The following HRNR variants were observed in gnomAD, a reference collection of about 807,000 sequenced individuals.
HRNR encodes the protein filaggrin family member 3.
In HRNR, 7 loss-of-function variants were observed where a neutral mutation model predicts 4.8. The observed-to-expected ratio is 1.47, with a 90% CI of 0.83 to 2.75. The LOEUF (loss-of-function observed/expected upper bound fraction) is 2.75. Among genes scored for constraint, HRNR ranks in the 30% most tolerant of loss-of-function variants. The pLI is 0.00. For missense variants in HRNR, 2,879 were observed against 3,010.4 expected (o/e 0.96, Z 1.02); for synonymous variants, 1,023 against 1,242.7 (o/e 0.82, Z 3.72).
Position 152,221,334 on chromosome 1 carries a change from AC to A in HRNR, c.294del (p.Ser99GlnfsTer3). The A allele has an allele frequency of 6.2e-7, 1 of 1,613,844 alleles. No homozygotes were observed. The highest frequency in any genetic ancestry group is 1.3e-5 in the African/African-American group (1 of 74,992). ...TGGTGAGTGTCATCTCTCAGCTTTG[AC>A]CCTGAAACTTGGCAGTAATCTTTGC... ...IIGKDYCQVS[G>X]SKLRDDTHQH... On this transcript the variant is annotated frameshift_variant, in exon 3 of 3. Transcript: ENST00000368801. LOFTEE classifies it low-confidence loss of function (END_TRUNC).
chr1:152,212,912 A>G lies in HRNR; in HGVS notation c.*164T>C. 2 of 938,680 alleles carry G rather than the reference A, an allele frequency of 2.1e-6. No individual in the cohort carries two copies. The highest frequency in any genetic ancestry group is 3.1e-6 in the Non-Finnish European group (2 of 643,532). The allele number at this position is 938,680 out of a possible 1,614,324, so 58.1% of individuals were successfully genotyped here. On this transcript the variant is annotated 3_prime_UTR_variant, in exon 3 of 3. Coordinates refer to ENST00000368801, the MANE Select transcript of HRNR (RefSeq NM_001009931.3). ...AGTCTTTGGAAGGAACCCCATAACA[A>G]GATATATGCTACAGTTTTAGGCTCT... is the stretch of plus-strand genomic sequence containing the variant.
Position 152,220,079 on chromosome 1 carries a change from T to C in HRNR, c.1550A>G (p.Tyr517Cys), listed in dbSNP as rs41266134. 0.17 allele frequency: 275,630 copies of C among 1,613,728 alleles called. 32,886 individuals carry two copies. Among genetic ancestry groups the C allele is most frequent in the East Asian group, 0.57 (25,377 of 44,834 alleles). The change falls in exon 3 of 3, where the codon TAT becomes TGT. Residue 517 changes from tyrosine to cysteine, a missense_variant. By Grantham distance (194) the Tyr-to-Cys change is radical. Coordinates refer to ENST00000368801, the MANE Select transcript of HRNR (RefSeq NM_001009931.3). ...QGSSAGSSSS[Y>C]GQHGSGSRQS... is the part of the protein sequence containing the mutation. ...ACGGGAGCCAGACCCATGCTGACCA[T>C]AGCTGGAAGATGAACCTGCACTAGA...
Position 152,220,271 on chromosome 1 carries a change from C to T in HRNR, c.1358G>A (p.Gly453Asp), listed in dbSNP as rs1648913638. 3.7e-6 allele frequency: 6 copies of T among 1,613,864 alleles called. No homozygotes were observed. Among genetic ancestry groups the T allele is most frequent in the Non-Finnish European group, 4.2e-6 (5 of 1,179,988 alleles). Residue 453 changes from glycine (G) to aspartate (D), a missense_variant, in exon 3 of 3, where the codon GGC (glycine) becomes GAC (aspartate). Coordinates refer to ENST00000368801, the MANE Select transcript of HRNR (RefSeq NM_001009931.3). Reference protein sequence around the residue: ...GTGFGRSSSSGPYVSGSGYSS... With the variant: ...GTGFGRSSSSDPYVSGSGYSS... ...GTAGCCTGAACCAGACACATATGGG[C>T]CACTGCTGGAAGATCGACCAAAGCC...
At position 152,221,335 on chromosome 1, in the gene HRNR, C is replaced by T. The variant is rs749331204; in HGVS notation, c.294G>A (p.Gly98=). ...GGTGAGTGTCATCTCTCAGCTTTGA[C>T]CCTGAAACTTGGCAGTAATCTTTGC... The part of the protein sequence containing the change: ...IIGKDYCQVS[G]SKLRDDTHQH... Residue 98 remains glycine, a synonymous_variant, in exon 3 of 3, where the codon GGG becomes GGA. Coordinates refer to ENST00000368801, the MANE Select transcript of HRNR (RefSeq NM_001009931.3). 5 of 1,613,978 alleles carry T rather than the reference C, an allele frequency of 3.1e-6. No individual in the cohort carries two copies. The highest frequency in any genetic ancestry group is 4.2e-6 in the Non-Finnish European group (5 of 1,180,040).
rs1410804999 is a variant in HRNR at position 152,219,372 on chromosome 1, C to T, written c.2257G>A (p.Gly753Ser). The T allele has an allele frequency of 2.2e-5, 35 of 1,613,954 alleles. No homozygotes were observed. The highest frequency in any genetic ancestry group is 5.0e-5 in the Admixed American group (3 of 60,002). Residue 753 changes from glycine (G) to serine (S), a missense_variant, in exon 3 of 3, where the codon GGT (glycine) becomes AGT (serine). Around this residue, in one of 8 missense-constraint regions of HRNR, gnomAD observed 2,646 missense variants for 1,377.7 expected, o/e 1.92. Transcript: ENST00000368801. ...GSSSGLSSSY[G>S]QHGSGSHQSS... ...TGATGGGAGCCCGACCCATGCTGAC[C>T]ATAGCTGGAAGACAAACCTGAGCTA...
At position 152,220,963 on chromosome 1, in the gene HRNR, C is replaced by G. The variant is rs1648967746; in HGVS notation, c.666G>C (p.Gly222=). 4 of 1,614,006 alleles carry G rather than the reference C, an allele frequency of 2.5e-6. No individual in the cohort carries two copies. Among genetic ancestry groups the G allele is most frequent in the Non-Finnish European group, 8.5e-7 (1 of 1,180,026 alleles). Residue 222 remains glycine (G), a synonymous_variant, in exon 3 of 3, where the codon GGG becomes GGC. Coordinates refer to ENST00000368801, the MANE Select transcript of HRNR (RefSeq NM_001009931.3). The stretch of plus-strand genomic sequence containing the variant: ...AGCCAGAAGACTGGCCTGAGCCAGA[C>G]CCATGTGTGTCATTGCTGGAAGACT... ...SGQSSSNDTH[G]SGSGQSSGFS...
chr1:152,220,608 C>T lies in HRNR; in HGVS notation c.1021G>A (p.Gly341Ser). The change falls in exon 3 of 3, where the codon GGC becomes AGC. Residue 341 changes from glycine to serine, a missense_variant. Gly to Ser is a moderately conservative substitution (Grantham distance 56). Around this residue, in one of 8 missense-constraint regions of HRNR, gnomAD observed 2,646 missense variants for 1,377.7 expected, o/e 1.92. Coordinates refer to ENST00000368801, the MANE Select transcript of HRNR (RefSeq NM_001009931.3). ...CCAAAGCCAGAAGTCTGGCCTGAGC[C>T]AGACTCATAATGGCCACGGCTGTAA... ...YSYSRGHYES[G>S]SGQTSGFGQH... 2 of 1,612,292 alleles carry T rather than the reference C, an allele frequency of 1.2e-6. No individual in the cohort carries two copies. Among genetic ancestry groups the T allele is most frequent in the South Asian group, 1.1e-5 (1 of 90,870 alleles).
chr1:152,222,053 G>A (rs1649022084), intron 2 of HRNR, among the ~76,000 whole-genome samples: 1 of 152,168 alleles, frequency 6.6e-6, no homozygotes, highest in South Asian at 2.1e-4. Flanking sequence ...AACATTGGGG[G>A]TCCTAGAAAG....
rs372864050 is a variant in HRNR at position 152,218,885 on chromosome 1, C to G, written c.2744G>C (p.Arg915Pro). The change falls in exon 3 of 3, where the codon CGG (arginine) becomes CCG (proline). Residue 915 changes from arginine (R) to proline (P), a missense_variant. Around this residue, in one of 8 missense-constraint regions of HRNR, gnomAD observed 2,646 missense variants for 1,377.7 expected, o/e 1.92. Coordinates refer to ENST00000368801, the MANE Select transcript of HRNR (RefSeq NM_001009931.3). The part of the protein sequence containing the change: ...SYGRHGSGSG[R>P]SSSSGRHGSG... The stretch of plus-strand genomic sequence containing the variant: ...CCCATGTCGGCCACTGCTGGAAGAC[C>G]GACCGGAGCCAGACCCATGTCGGCC... 1.6e-5 allele frequency: 25 copies of G among 1,611,384 alleles called. No homozygotes were observed. Among genetic ancestry groups the G allele is most frequent in the Non-Finnish European group, 2.0e-5 (24 of 1,179,326 alleles).
Position 152,219,050 on chromosome 1 carries a change from C to G in HRNR, c.2579G>C (p.Ser860Thr), listed in dbSNP as rs186602563. The change falls in exon 3 of 3, where the codon AGC (serine) becomes ACC (threonine). Residue 860 changes from serine (S) to threonine (T), a missense_variant. Around this residue, in one of 8 missense-constraint regions of HRNR, gnomAD observed 2,646 missense variants for 1,377.7 expected, o/e 1.92. Coordinates refer to ENST00000368801, the MANE Select transcript of HRNR (RefSeq NM_001009931.3). Reference protein sequence around the residue: ...QSSSSGQHDSSSGQSSSYGQH... With the variant: ...QSSSSGQHDSTSGQSSSYGQH... ...ACCATAGCTGGAAGATTGACCTGAG[C>G]TAGAGTCATGTTGGCCGGAGCTTGA... The G allele has an allele frequency of 4.1e-4, 658 of 1,613,746 alleles. 4 individuals carry two copies. In the East Asian group the frequency reaches 0.011, roughly 26 times the overall value.
chr1:152,213,188 T>C lies in HRNR; in HGVS notation c.8441A>G (p.Lys2814Arg), dbSNP rs752126891. The C allele has an allele frequency of 6.2e-7, 1 of 1,614,120 alleles. No homozygotes were observed. Among genetic ancestry groups the C allele is most frequent in the Non-Finnish European group, 8.5e-7 (1 of 1,180,048 alleles). Residue 2814 changes from lysine to arginine, a missense_variant, in exon 3 of 3, where the codon AAA becomes AGA. Lys to Arg is a conservative substitution (Grantham distance 26). Around this residue, in one of 8 missense-constraint regions of HRNR, gnomAD observed 158 missense variants for 107.6 expected, o/e 1.47. Coordinates refer to ENST00000368801, the MANE Select transcript of HRNR (RefSeq NM_001009931.3). ...GSGQDGYSYC[K>R]GGSNHDGGSS... ...TCCCCCATCATGGTTACTTCCTCCTTTGCAATAAGAATACCCATCTTGCCC... is the reference window on the plus strand; with the variant it reads ...TCCCCCATCATGGTTACTTCCTCCTCTGCAATAAGAATACCCATCTTGCCC...
In HRNR at chr1:152,218,995, C is replaced by T. The variant is rs75575379; in HGVS notation, c.2634G>A (p.Ser878=). Residue 878 remains serine (S), a synonymous_variant, in exon 3 of 3, where the codon TCG becomes TCA. Coordinates refer to ENST00000368801, the MANE Select transcript of HRNR (RefSeq NM_001009931.3). ...GQHESASHHA[S]GRGRHGSGSG... ...ATCCAGAGCCATGTCGGCCGCGGCC[C>T]GAAGCGTGATGGGAGGCAGACTCAT... 2,936 of 1,613,652 alleles carry T rather than the reference C, an allele frequency of 1.8e-3. 6 individuals carry two copies. The highest frequency in any genetic ancestry group is 2.3e-3 in the Non-Finnish European group (2,691 of 1,179,888).
Position 152,217,549 on chromosome 1 carries a change from A to T in HRNR, c.4080T>A (p.Pro1360=). 3.1e-5 allele frequency: 1 copy of T among 32,564 alleles called. No individual in the cohort carries two copies. Among genetic ancestry groups the T allele is most frequent in the Admixed American group, 4.1e-4 (1 of 2,464 alleles). The allele number at this position is 32,564 out of a possible 1,614,324, so 2.0% of individuals were successfully genotyped here. Residue 1360 remains proline (P), a synonymous_variant, in exon 3 of 3, where the codon CCT becomes CCA. Transcript: ENST00000368801. ...AACCGGACCCATGTCGGCCGCGACT[A>T]GGAGACTGGCCAGATCCAGCCCCAT... ...GRHGAGSGQS[P]SRGRHGSGSG... is the part of the protein sequence containing the mutation.
chr1:152,222,991 C>G (rs760677813), intron 2 of HRNR, 125 bp downstream of exon 2: 1 of 984,114 alleles, frequency 1.0e-6, no homozygotes, highest in Admixed American at 2.3e-5. Context: ...AAACTTTTAC[C>G]AAACCCTGTT....
rs768855541 is a variant in HRNR, at chr1:152,219,207, C to G, written c.2422G>C (p.Glu808Gln). ...CCAGAAGCCTGGCCTGAGCCAGACT[C>G]ATAATGGCCACAGCTGGAAGAACAA... is the stretch of plus-strand genomic sequence containing the variant. Reference protein sequence around the residue: ...TSCSSSCGHYESGSGQASGFG... With the variant: ...TSCSSSCGHYQSGSGQASGFG... The change falls in exon 3 of 3, where the codon GAG becomes CAG. Residue 808 changes from glutamate (E) to glutamine (Q), a missense_variant. Around this residue, in one of 8 missense-constraint regions of HRNR, gnomAD observed 2,646 missense variants for 1,377.7 expected, o/e 1.92. Transcript: ENST00000368801. The G allele has an allele frequency of 8.7e-6, 14 of 1,613,844 alleles. No homozygotes were observed. The African/African-American group carries it at 1.9e-4, about 22-fold the overall frequency.
In HRNR at chr1:152,218,375, T is replaced by C. The variant is rs761395780; in HGVS notation, c.3254A>G (p.Gln1085Arg). ...TCCATGTTGGCCACAGCTCGATGAC[T>C]GTCCTGATGTAGAACCGTGTTGCCC... is the stretch of plus-strand genomic sequence containing the variant. The part of the protein sequence containing the change: ...THGQHGSTSG[Q>R]SSSCGQHGAS... Residue 1085 changes from glutamine to arginine, a missense_variant, in exon 3 of 3, where the codon CAG becomes CGG. This residue lies in a region of HRNR where 2,646 missense variants were observed against 1,377.7 expected (regional missense o/e 1.92). Coordinates refer to ENST00000368801, the MANE Select transcript of HRNR (RefSeq NM_001009931.3). 9.3e-6 allele frequency: 15 copies of C among 1,612,198 alleles called. 1 individual carries two copies. The South Asian group carries it at 1.6e-4, about 18-fold the overall frequency.
At position 152,218,898 on chromosome 1, in the gene HRNR, A is replaced by T. The variant is rs756454441; in HGVS notation, c.2731T>A (p.Ser911Thr). The T allele has an allele frequency of 3.1e-6, 5 of 1,613,482 alleles. No homozygotes were observed. The highest frequency in any genetic ancestry group is 2.7e-5 in the African/African-American group (2 of 74,666). Residue 911 changes from serine (S) to threonine (T), a missense_variant, in exon 3 of 3, where the codon TCT (serine) becomes ACT (threonine). Transcript: ENST00000368801. ...CTGCTGGAAGACCGACCGGAGCCAGACCCATGTCGGCCATAGCTGGGAGAC... is the reference window on the plus strand; with the variant it reads ...CTGCTGGAAGACCGACCGGAGCCAGTCCCATGTCGGCCATAGCTGGGAGAC... ...GQSPSYGRHG[S>T]GSGRSSSSGR...
Position 152,219,619 on chromosome 1 carries a change from C to T in HRNR, c.2010G>A (p.Gly670=), listed in dbSNP as rs200640527. The change falls in exon 3 of 3, where the codon GGG becomes GGA. Residue 670 remains glycine (G), a synonymous_variant. Transcript: ENST00000368801. ...CATGTTGGCCGTAGCTGGAAGAGTG[C>T]CCAAAATCGGACCCATGTCGGCCGC... ...PSRGRHGSDF[G]HSSSYGQHGS... The T allele has an allele frequency of 2.9e-5, 47 of 1,609,868 alleles. 1 individual carries two copies. The Admixed American group carries it at 6.7e-4, about 23-fold the overall frequency.
In HRNR at chr1:152,221,211, A is replaced by G. The variant is rs959358439; in HGVS notation, c.418T>C (p.Tyr140His). Residue 140 changes from tyrosine to histidine, a missense_variant, in exon 3 of 3, where the codon TAT (tyrosine) becomes CAT (histidine). This residue lies in a region of HRNR where 2,646 missense variants were observed against 1,377.7 expected (regional missense o/e 1.92). Coordinates refer to ENST00000368801, the MANE Select transcript of HRNR (RefSeq NM_001009931.3). ...AGACTTCCTCTGACGTTTCTGGAAT[A>G]GGAATCATTCTCTCCTGCACTCCAA... ...SSWSAGENDS[Y>H]SRNVRGSLKP... is the part of the protein sequence containing the mutation. 4 of 1,614,088 alleles carry G rather than the reference A, an allele frequency of 2.5e-6. No individual in the cohort carries two copies. In the African/African-American group the frequency reaches 4.0e-5, roughly 16 times the overall value.
Sources: gnomAD v4.1 joint callset for allele counts (sites outside exome capture counted in the v4.1 genomes callset) on GRCh38, gnomAD v4.1.1 for gene constraint, gnomAD v4.1.1 regional missense constraint, MANE v1.5 for transcripts, NCBI Gene and HGNC (gene_info 2026-07-23, HGNC 2026-07-21) for gene names.